The following ASTN2 variants were observed in gnomAD, a reference collection of about 807,000 sequenced individuals.
ASTN2 encodes the protein astrotactin-2.
ASTN2 carries 54 observed loss-of-function variants against 139.8 expected under a neutral mutation model. The ratio of observed to expected loss-of-function variants is 0.39; its 90% CI spans 0.31 to 0.48. The LOEUF (loss-of-function observed/expected upper bound fraction) is 0.48. Among genes scored for constraint, ASTN2 ranks in the 20% least tolerant of loss-of-function variants. The pLI, the probability that ASTN2 is intolerant of heterozygous loss-of-function variation, is 0.95. For synonymous variants in ASTN2, 756 were observed against 719.5 expected (o/e 1.05, Z -0.81); for missense variants, 1,565 against 1,725.1 (o/e 0.91, Z 1.64).
At chr9:117,117,057 T>C (rs1829413809) in intron 4 of ASTN2, among the ~76,000 whole-genome samples, 2 of 151,952 alleles carry the variant, frequency 1.3e-5, no homozygotes, top group South Asian at 2.1e-4. Flanking sequence ...AATATGGTAA[T>C]ATGAATGCTT....
chr9:116,841,381 G>A (rs1158054580), intron 11 of ASTN2, among the ~76,000 whole-genome samples: 1 of 151,260 alleles, frequency 6.6e-6, no homozygotes, highest in East Asian at 2.2e-4. Flanking sequence ...GAGAGGGAGA[G>A]GGAGAGGGAG....
At chr9:116,448,017 A>T (rs901967043) in intron 20 of ASTN2, among the ~76,000 whole-genome samples, 62 of 152,310 alleles carry the variant, frequency 4.1e-4, no homozygotes, top group African/African-American at 1.4e-3. Flanking sequence ...ACAGGGGGTA[A>T]GAGCAGGGAC....
chr9:117,133,875 G>T (rs1364878388), intron 4 of ASTN2, among the ~76,000 whole-genome samples: 1 of 152,098 alleles, frequency 6.6e-6, no homozygotes, highest in East Asian at 1.9e-4. Flanking sequence ...AGCGCATAGA[G>T]GTGGAGGTAA....
intron 3 of ASTN2, among the ~76,000 whole-genome samples, chr9:117,160,950 C>G (rs1323740047): frequency 6.6e-6 from 1 of 151,976 alleles, no homozygotes; most frequent in South Asian, 2.1e-4. Flanking sequence ...CACACACACA[C>G]ACACGCACAC....
chr9:116,964,216 G>GGTGGGGGT (rs1554765643), intron 10 of ASTN2, among the ~76,000 whole-genome samples: 7 of 140,700 alleles, frequency 5.0e-5, no homozygotes, highest in African/African-American at 1.9e-4. Flanking sequence ...ACTGCCCTGG[G>GGTGGGGGT]GTGTGTGTGT....
In ASTN2 at chr9:117,414,996, G is replaced by A; in HGVS notation, c.-58C>T. ...CGGCGGTGGCGGCGGTGGCGAAGGAGGAAGAGGAGGCAGCTGCGGAGACGG... is the reference window on the plus strand; with the variant it reads ...CGGCGGTGGCGGCGGTGGCGAAGGAAGAAGAGGAGGCAGCTGCGGAGACGG... On this transcript the variant is annotated 5_prime_UTR_variant, in exon 1 of 23. Coordinates refer to ENST00000313400, the MANE Select transcript of ASTN2 (RefSeq NM_001365068.1). The surrounding 1 kb of genome is among the most constrained non-coding windows in gnomAD (Gnocchi z 4.2). The A allele has an allele frequency of 4.9e-6, 1 of 202,922 alleles. No homozygotes were observed. Among genetic ancestry groups the A allele is most frequent in the Non-Finnish European group, 9.4e-6 (1 of 106,658 alleles). 12.6% of individuals were successfully genotyped at this position (202,922 alleles called of 1,614,324 possible).
intron 2 of ASTN2, among the ~76,000 whole-genome samples, chr9:117,241,169 T>G (rs2133073341): frequency 6.6e-6 from 1 of 152,338 alleles, no homozygotes; most frequent in Non-Finnish European, 1.5e-5. Context: ...TCTGTCCTTT[T>G]GATGCTTTTC....
chr9:117,367,442 C>T (rs1208261947), intron 1 of ASTN2, among the ~76,000 whole-genome samples: 2 of 152,168 alleles, frequency 1.3e-5, no homozygotes, highest in Non-Finnish European at 2.9e-5. Context: ...TACCTGTATA[C>T]TTCAAATGCG....
chr9:117,297,148 C>T (rs1484924401), intron 1 of ASTN2, among the ~76,000 whole-genome samples: 2 of 152,196 alleles, frequency 1.3e-5, no homozygotes, highest in Non-Finnish European at 2.9e-5. Flanking sequence ...GCTAACTAAC[C>T]GGCCTTCTGA....
At chr9:117,172,720 T>C (rs1474384040) in intron 3 of ASTN2, among the ~76,000 whole-genome samples, 2 of 152,166 alleles carry the variant, frequency 1.3e-5, no homozygotes, top group African/African-American at 2.4e-5. Context: ...AAAAAGGCAG[T>C]GTAAAATAAC....
At chr9:117,307,129 C>A (rs951208916) in intron 1 of ASTN2, among the ~76,000 whole-genome samples, 1 of 152,202 alleles carries the variant, frequency 6.6e-6, no homozygotes, top group African/African-American at 2.4e-5. Flanking sequence ...GGGGAACACA[C>A]CCATTTATAT....
chr9:117,303,342 A>G (rs1034551086), intron 1 of ASTN2, among the ~76,000 whole-genome samples: 3 of 152,186 alleles, frequency 2.0e-5, no homozygotes, highest in Non-Finnish European at 4.4e-5. Flanking sequence ...AATTTCACAG[A>G]TTGGAATACT....
At chr9:117,307,065 A>G (rs867705191) in intron 1 of ASTN2, among the ~76,000 whole-genome samples, 29 of 152,320 alleles carry the variant, frequency 1.9e-4, no homozygotes, top group South Asian at 1.0e-3. Context: ...GATCATAGGT[A>G]CACAAAAAGC....
At chr9:117,334,482 G>A (rs967043485) in intron 1 of ASTN2, among the ~76,000 whole-genome samples, 2 of 148,588 alleles carry the variant, frequency 1.3e-5, no homozygotes, top group African/African-American at 4.9e-5. Context: ...GGTATATCAG[G>A]GCTTTTTTTT....
intron 10 of ASTN2, among the ~76,000 whole-genome samples, chr9:116,879,669 C>T (rs1833402572): frequency 6.6e-6 from 1 of 152,172 alleles, no homozygotes; most frequent in Non-Finnish European, 1.5e-5. Context: ...GTGCAGGCAA[C>T]CCAATTTGTT....
intron 4 of ASTN2, among the ~76,000 whole-genome samples, chr9:117,096,358 G>A (rs1587958677): frequency 1.3e-5 from 2 of 152,200 alleles, no homozygotes; most frequent in East Asian, 3.9e-4. Flanking sequence ...CAGCTTCTGA[G>A]CTGTGTGACC....
At chr9:117,249,370 T>A (rs989621471) in intron 2 of ASTN2, among the ~76,000 whole-genome samples, 4 of 152,198 alleles carry the variant, frequency 2.6e-5, no homozygotes, top group African/African-American at 9.6e-5. Context: ...CCTCTTTCCT[T>A]CCTCAATTGA....
At chr9:116,435,140 G>T (rs571167823) in intron 22 of ASTN2, among the ~76,000 whole-genome samples, 11 of 152,254 alleles carry the variant, frequency 7.2e-5, no homozygotes, top group Admixed American at 6.5e-4. Context: ...GACCTTCAGG[G>T]TTTTCTGGTT....
chr9:117,363,730 A>C (rs1208380328), intron 1 of ASTN2, among the ~76,000 whole-genome samples: 1 of 152,204 alleles, frequency 6.6e-6, no homozygotes, highest in Non-Finnish European at 1.5e-5. Context: ...TACATAAAAC[A>C]GGTCTGTTAT....
Sources: gnomAD v4.1 joint callset for allele counts (sites outside exome capture counted in the v4.1 genomes callset) on GRCh38, gnomAD v4.1.1 for gene constraint, Gnocchi (gnomAD v3.1) non-coding constraint, MANE v1.5 for transcripts, NCBI Gene and HGNC (gene_info 2026-07-23, HGNC 2026-07-21) for gene names.